AHNAK2: variants seen among roughly 807,000 people sequenced by gnomAD.
AHNAK2 encodes protein AHNAK2.
AHNAK2 carries 18 observed loss-of-function variants against 30.7 expected under a neutral mutation model. That is an observed-to-expected ratio of 0.59 (90% CI 0.41 to 0.87). The LOEUF is 0.87. AHNAK2 is among the 40% of genes least tolerant of loss of function. AHNAK2 has a pLI of 0.00. For missense variants in AHNAK2, 8,604 were observed against 7,373.0 expected (o/e 1.17, Z -6.11); for synonymous variants, 3,590 against 3,073.8 (o/e 1.17, Z -5.56).
At position 104,955,145 on chromosome 14, in the gene AHNAK2, G is replaced by T; in HGVS notation, c.467-4C>A. Reference sequence around the variant, plus strand: ...GTTGTACTGAGCAGCTGATCCCCTAGACCAAGAAAGAGCAGCCCCAGGGCC... The same window carrying T: ...GTTGTACTGAGCAGCTGATCCCCTATACCAAGAAAGAGCAGCCCCAGGGCC... On this transcript the variant is annotated splice_polypyrimidine_tract_variant and splice_region_variant and intron_variant, in intron 5 of 6. Coordinates refer to ENST00000333244, the MANE Select transcript of AHNAK2 (RefSeq NM_138420.4). The T allele has an allele frequency of 6.2e-7, 1 of 1,600,152 alleles. No homozygotes were observed.
intron 1 of AHNAK2, among the ~76,000 whole-genome samples, chr14:104,976,114 C>T (rs952326814): frequency 2.0e-5 from 3 of 150,638 alleles, no homozygotes; most frequent in African/African-American, 4.9e-5. Flanking sequence ...GGGCCGGGGC[C>T]GGGGAGGGGT....
chr14:104,948,242 C>T lies in AHNAK2; in HGVS notation c.7209G>A (p.Lys2403=), dbSNP rs779572767. 22 of 1,612,718 alleles carry T rather than the reference C, an allele frequency of 1.4e-5. No homozygotes were observed. In the Admixed American group the frequency reaches 2.8e-4, roughly 21 times the overall value. Residue 2403 remains lysine, a synonymous_variant, in exon 7 of 7, where the codon AAG becomes AAA. Transcript: ENST00000333244. ...EGAGLKGHLP[K]LQMPSFKMPK... ...GCATCTTGAAACTGGGCATCTGCAG[C>T]TTGGGCAGGTGCCCTTTGAGGCCGG...
In AHNAK2 at chr14:104,952,773, T is replaced by C. The variant is rs748828558; in HGVS notation, c.2678A>G (p.Gln893Arg). Residue 893 changes from glutamine to arginine, a missense_variant, in exon 7 of 7, where the codon CAG becomes CGG. Gln to Arg is a conservative substitution (Grantham distance 43). Transcript: ENST00000333244. Reference sequence around the variant, plus strand: ...AAGTTTCACATCCACTTGGCCAGCCTGGACCTCCAGGTCAGCGGAAGGGGG... The same window carrying C: ...AAGTTTCACATCCACTTGGCCAGCCCGGACCTCCAGGTCAGCGGAAGGGGG... The part of the protein sequence containing the change: ...IQPPSADLEV[Q>R]AGQVDVKLPE... The C allele has an allele frequency of 6.2e-7, 1 of 1,612,586 alleles. No individual in the cohort carries two copies. Among genetic ancestry groups the C allele is most frequent in the East Asian group, 2.2e-5 (1 of 44,758 alleles).
rs143288785 is a variant in AHNAK2 at position 104,949,853 on chromosome 14, G to C, written c.5598C>G (p.Leu1866=). Residue 1866 remains leucine, a synonymous_variant, in exon 7 of 7, where the codon CTC becomes CTG. Coordinates refer to ENST00000333244, the MANE Select transcript of AHNAK2 (RefSeq NM_138420.4). Reference sequence around the variant, plus strand: ...GCGGAATGCAGAGGTCCGTGGTCTTGAGGTCCCCCTGCATGGAGGGGAGGC... The same window carrying C: ...GCGGAATGCAGAGGTCCGTGGTCTTCAGGTCCCCCTGCATGGAGGGGAGGC... The part of the protein sequence containing the change: ...EVSLPSMQGD[L]KTTDLCIPLP... 15,656 of 1,585,292 alleles carry C rather than the reference G, an allele frequency of 9.9e-3. 1,606 individuals are homozygous for C. The highest frequency in any genetic ancestry group is 0.031 in the Middle Eastern group (185 of 6,004).
At position 104,955,511 on chromosome 14, in the gene AHNAK2, T is replaced by C; in HGVS notation, c.438A>G (p.Ser146=). Residue 146 remains serine, a synonymous_variant, in exon 5 of 7, where the codon TCA becomes TCG. Transcript: ENST00000333244. ...CTCTCAAGTTAAAAAGCTTGGCGGCTGAGGAGTCCTTCAGCACTTGCTTGA... is the reference window on the plus strand; with the variant it reads ...CTCTCAAGTTAAAAAGCTTGGCGGCCGAGGAGTCCTTCAGCACTTGCTTGA... The part of the protein sequence containing the change: ...IFVKQVLKDS[S]AAKLFNLREG... The C allele has an allele frequency of 6.2e-7, 1 of 1,613,588 alleles. No individual in the cohort carries two copies. Among genetic ancestry groups the C allele is most frequent in the Non-Finnish European group, 8.5e-7 (1 of 1,179,768 alleles).
chr14:104,949,207 G>A lies in AHNAK2; in HGVS notation c.6244C>T (p.Pro2082Ser), dbSNP rs780466308. ...TGGGGGCCCTTGAGGTCCACTTTGG[G>A]CATCTTCAAACTGGGCATCTCCACC... ...PKVEMPSLKM[P>S]KVDLKGPQVD... Residue 2082 changes from proline to serine, a missense_variant, in exon 7 of 7, where the codon CCC becomes TCC. Physicochemically the swap from Pro to Ser is moderately conservative, Grantham distance 74. Coordinates refer to ENST00000333244, the MANE Select transcript of AHNAK2 (RefSeq NM_138420.4). 2.8e-6 allele frequency: 3 copies of A among 1,072,344 alleles called. 1 individual carries two copies. The East Asian group carries it at 6.8e-5, about 24-fold the overall frequency. The allele number at this position is 1,072,344 out of a possible 1,614,324, so 66.4% of individuals were successfully genotyped here.
rs552014104 is a variant in AHNAK2, at chr14:104,952,532, G to C, written c.2919C>G (p.Ala973=). ...SMEVDVQAQK[A]KLDGAWLEGD... is the part of the protein sequence containing the mutation. ...CCTCCAGCCACGCACCATCCAGCTT[G>C]GCCTTCTGGGCCTGGACATCCACCT... Residue 973 remains alanine (A), a synonymous_variant, in exon 7 of 7, where the codon GCC becomes GCG. Coordinates refer to ENST00000333244, the MANE Select transcript of AHNAK2 (RefSeq NM_138420.4). The C allele has an allele frequency of 6.2e-7, 1 of 1,611,568 alleles. No homozygotes were observed. Among genetic ancestry groups the C allele is most frequent in the African/African-American group, 1.3e-5 (1 of 74,084 alleles).
In AHNAK2 at chr14:104,949,615, C is replaced by T. The variant is rs544172092; in HGVS notation, c.5836G>A (p.Asp1946Asn). The change falls in exon 7 of 7, where the codon GAT (aspartate) becomes AAT (asparagine). Residue 1946 changes from aspartate to asparagine, a missense_variant. Asp to Asn is a conservative substitution (Grantham distance 23). Coordinates refer to ENST00000333244, the MANE Select transcript of AHNAK2 (RefSeq NM_138420.4). ...KGPKAEVTAP[D>N]VEVSLPSMEV... The stretch of plus-strand genomic sequence containing the variant: ...ATGCTGGGCAGAGACACCTCGACAT[C>T]GGGGGCTGTCACTTCCGCCTTGGGG... The T allele has an allele frequency of 1.7e-4, 263 of 1,589,102 alleles. 21 individuals are homozygous for T. The highest frequency in any genetic ancestry group is 2.0e-4 in the Non-Finnish European group (234 of 1,163,440).
At position 104,950,178 on chromosome 14, in the gene AHNAK2, C is replaced by A. The variant is rs373060297; in HGVS notation, c.5273G>T (p.Gly1758Val). The A allele has an allele frequency of 2.5e-6, 4 of 1,586,134 alleles. 1 individual carries two copies. The East Asian group carries it at 6.8e-5, about 27-fold the overall frequency. Reference sequence around the variant, plus strand: ...GGGGCCCTTGACGTCCATCTGGGGGCCCTTGAGGGCCACTTTGGGCATCTT... The same window carrying A: ...GGGGCCCTTGACGTCCATCTGGGGGACCTTGAGGGCCACTTTGGGCATCTT... ...SLKMPKVALK[G>V]PQMDVKGPKL... is the part of the protein sequence containing the mutation. The change falls in exon 7 of 7, where the codon GGC becomes GTC. Residue 1758 changes from glycine to valine, a missense_variant. By Grantham distance (109) the Gly-to-Val change is moderately radical (BLOSUM62 -3). Transcript: ENST00000333244.
rs370718666 is a variant in AHNAK2, at chr14:104,947,981, C to A, written c.7470G>T (p.Met2490Ile). The A allele has an allele frequency of 1.9e-6, 3 of 1,612,688 alleles. No homozygotes were observed. The highest frequency in any genetic ancestry group is 1.3e-5 in the African/African-American group (1 of 74,312). ...CTGGGGCAGACACCCCGAATGACGG[C>A]ATCTTGAACTTGGGAATTTTGAACC... The part of the protein sequence containing the change: ...DSRFKIPKFK[M>I]PSFGVSAPGK... Residue 2490 changes from methionine (M) to isoleucine (I), a missense_variant, in exon 7 of 7, where the codon ATG becomes ATT. Met to Ile is a conservative substitution (Grantham distance 10, BLOSUM62 1). Coordinates refer to ENST00000333244, the MANE Select transcript of AHNAK2 (RefSeq NM_138420.4).
intron 1 of AHNAK2, among the ~76,000 whole-genome samples, chr14:104,973,980 C>T (rs1899538783): frequency 6.6e-6 from 1 of 151,942 alleles, no homozygotes; most frequent in Admixed American, 6.5e-5. Flanking sequence ...CCCAGCCCCT[C>T]CCCATCCCCT....
rs1595423133 is a variant in AHNAK2, at chr14:104,954,447, C to T, written c.1004G>A (p.Gly335Asp). 6.2e-7 allele frequency: 1 copy of T among 1,612,600 alleles called. No homozygotes were observed. Among genetic ancestry groups the T allele is most frequent in the Non-Finnish European group, 8.5e-7 (1 of 1,179,530 alleles). The part of the protein sequence containing the change: ...NLRFRTGSGQ[G>D]PSSTGQPGRG... ...GCCTGGCTGTCCTGTCGATGAAGGG[C>T]CCTGTCCCGAGCCTGTCCTGAATCT... Residue 335 changes from glycine to aspartate, a missense_variant, in exon 7 of 7, where the codon GGC (glycine) becomes GAC (aspartate). By Grantham distance (94) the Gly-to-Asp change is moderately conservative. Transcript: ENST00000333244. This position sits in a 1 kb window ranked among gnomAD's most constrained non-coding sequence, Gnocchi z 4.3.
At position 104,938,502 on chromosome 14, in the gene AHNAK2, G is replaced by T; in HGVS notation, c.16949C>A (p.Pro5650Gln). Residue 5650 changes from proline to glutamine, a missense_variant, in exon 7 of 7, where the codon CCA becomes CAA. Physicochemically the swap from Pro to Gln is moderately conservative, Grantham distance 76. Transcript: ENST00000333244. ...AACAGAAGAGGAAAACCCAATGTTT[G>T]GAAGCCAAAACCAGAGCAGACCAGA... The part of the protein sequence containing the change: ...KKSGLLWFWL[P>Q]NIGFSSSVDE... 1 of 1,613,724 alleles carries T rather than the reference G, an allele frequency of 6.2e-7. No homozygotes were observed. The highest frequency in any genetic ancestry group is 8.5e-7 in the Non-Finnish European group (1 of 1,179,828).
chr14:104,949,485 T>C lies in AHNAK2; in HGVS notation c.5966A>G (p.Lys1989Arg). Residue 1989 changes from lysine to arginine, a missense_variant, in exon 7 of 7, where the codon AAA becomes AGA. Lys to Arg is a conservative substitution (Grantham distance 26). Transcript: ENST00000333244. Reference protein sequence around the residue: ...KDMTAKDSKFKMPKFKMPSFG... With the variant: ...KDMTAKDSKFRMPKFKMPSFG... ...CGACGGCATCTTGAATTTGGGCATT[T>C]TGAACTTGCTGTCTTTGGCAGTCAT... The C allele has an allele frequency of 1.9e-6, 3 of 1,587,680 alleles. 1 individual carries two copies. The highest frequency in any genetic ancestry group is 2.6e-6 in the Non-Finnish European group (3 of 1,162,688).
Position 104,943,031 on chromosome 14 carries a change from C to A in AHNAK2, c.12420G>T (p.Met4140Ile). ...CTGGGGCCGACACCCCGAATGATGG[C>A]ATCTTGAACTTGGGCATTTTGAACT... ...DSKFKMPKFK[M>I]PSFGVSAPGK... The change falls in exon 7 of 7, where the codon ATG (methionine) becomes ATT (isoleucine). Residue 4140 changes from methionine (M) to isoleucine (I), a missense_variant. By Grantham distance (10) the Met-to-Ile change is conservative (BLOSUM62 1). Coordinates refer to ENST00000333244, the MANE Select transcript of AHNAK2 (RefSeq NM_138420.4). 1 of 1,613,200 alleles carries A rather than the reference C, an allele frequency of 6.2e-7. No homozygotes were observed. The highest frequency in any genetic ancestry group is 1.3e-5 in the African/African-American group (1 of 74,840).
At chr14:104,959,500 G>A (rs1899076219) in intron 1 of AHNAK2, among the ~76,000 whole-genome samples, 2 of 152,178 alleles carry the variant, frequency 1.3e-5, no homozygotes, top group Admixed American at 6.5e-5. Context: ...AGCGGGGCAT[G>A]GTGGTGCATG....
intron 1 of AHNAK2, among the ~76,000 whole-genome samples, chr14:104,961,341 C>T (rs887591957): frequency 2.1e-4 from 32 of 151,852 alleles, no homozygotes; most frequent in Non-Finnish European, 4.0e-4. Flanking sequence ...AGTGAAACCC[C>T]GTCTCTACTA....
At position 104,939,801 on chromosome 14, in the gene AHNAK2, T is replaced by A; in HGVS notation, c.15650A>T (p.Gln5217Leu). The A allele has an allele frequency of 6.2e-7, 1 of 1,613,710 alleles. No individual in the cohort carries two copies. The highest frequency in any genetic ancestry group is 8.5e-7 in the Non-Finnish European group (1 of 1,179,898). The part of the protein sequence containing the change: ...RGGAGKLEVA[Q>L]TQAPAATGGE... Reference sequence around the variant, plus strand: ...CCCTGTTGCTGCCGGTGCCTGTGTCTGAGCCACTTCCAGCTTTCCAGCCCC... The same window carrying A: ...CCCTGTTGCTGCCGGTGCCTGTGTCAGAGCCACTTCCAGCTTTCCAGCCCC... Residue 5217 changes from glutamine to leucine, a missense_variant, in exon 7 of 7, where the codon CAG becomes CTG. Gln to Leu is a moderately radical substitution (Grantham distance 113). Coordinates refer to ENST00000333244, the MANE Select transcript of AHNAK2 (RefSeq NM_138420.4).
At position 104,955,602 on chromosome 14, in the gene AHNAK2, T is replaced by C. The variant is rs1298515848; in HGVS notation, c.347A>G (p.Lys116Arg). ...AVQEATEVTL[K>R]TEVEAGASGY... ...ACTGGCTCCTGCCTCCACCTCTGTC[T>C]TCAGCGTCACCTCTGTTGCCTCCTG... Residue 116 changes from lysine to arginine, a missense_variant, in exon 5 of 7, where the codon AAG becomes AGG. Coordinates refer to ENST00000333244, the MANE Select transcript of AHNAK2 (RefSeq NM_138420.4). 1 of 1,613,610 alleles carries C rather than the reference T, an allele frequency of 6.2e-7. No individual in the cohort carries two copies. Among genetic ancestry groups the C allele is most frequent in the Non-Finnish European group, 8.5e-7 (1 of 1,179,758 alleles).
Sources: allele counts gnomAD v4.1 joint callset (sites outside exome capture counted in the v4.1 genomes callset), GRCh38; gene constraint gnomAD v4.1.1; non-coding constraint Gnocchi (gnomAD v3.1); transcripts MANE v1.5; gene names NCBI Gene and HGNC (gene_info 2026-07-23, HGNC 2026-07-21).